CYYR1: variants seen among roughly 807,000 people sequenced by gnomAD.
CYYR1 encodes the protein cysteine and tyrosine rich 1.
In CYYR1, 14 loss-of-function variants were observed where a neutral mutation model predicts 15.2. The observed-to-expected ratio is 0.92, with a 90% confidence interval of 0.61 to 1.44. The LOEUF (loss-of-function observed/expected upper bound fraction) is 1.44, where lower values mean the gene tolerates loss of function less well. Ranked by LOEUF, CYYR1 falls within the 40% of genes most tolerant of loss-of-function variation. The pLI is 0.00. For synonymous variants in CYYR1, 80 were observed against 77.4 expected (o/e 1.03, Z -0.18); for missense variants, 228 against 209.5 (o/e 1.09, Z -0.54).
intron 2 of CYYR1, among the ~76,000 whole-genome samples, chr21:26,557,326 G>A (rs979961094): frequency 1.3e-5 from 2 of 152,126 alleles, no homozygotes; most frequent in Non-Finnish European, 2.9e-5. Flanking sequence ...GAACAGATAT[G>A]AGGTAATCTG....
intron 2 of CYYR1, among the ~76,000 whole-genome samples, chr21:26,533,996 A>C (rs568798915): frequency 6.6e-6 from 1 of 152,264 alleles, no homozygotes; most frequent in African/African-American, 2.4e-5. Flanking sequence ...ACAGAAACAG[A>C]GCACCAAGCA....
chr21:26,525,172 T>C (rs1569160198), intron 2 of CYYR1, among the ~76,000 whole-genome samples: 2 of 152,202 alleles, frequency 1.3e-5, no homozygotes, highest in Admixed American at 6.5e-5. Context: ...TTCCTCCTCC[T>C]CTTTCTTCTC....
intron 2 of CYYR1, among the ~76,000 whole-genome samples, chr21:26,489,113 A>G (rs1419405671): frequency 6.6e-6 from 1 of 152,204 alleles, no homozygotes; most frequent in East Asian, 1.9e-4. Flanking sequence ...AAAAAAGCAT[A>G]TCAGAACCAG....
At chr21:26,557,522 G>C (rs1435827826) in intron 2 of CYYR1, among the ~76,000 whole-genome samples, 2 of 152,162 alleles carry the variant, frequency 1.3e-5, no homozygotes, top group Non-Finnish European at 2.9e-5. Context: ...AGTGTATTCA[G>C]GTTGATTAGT....
At chr21:26,531,784 A>G (rs2065933379) in intron 2 of CYYR1, among the ~76,000 whole-genome samples, 1 of 152,140 alleles carries the variant, frequency 6.6e-6, no homozygotes, top group African/African-American at 2.4e-5. Flanking sequence ...GGGTATCCTT[A>G]GATCGATAAA....
At chr21:26,486,936 C>T (rs1391184048) in intron 2 of CYYR1, among the ~76,000 whole-genome samples, 6 of 151,962 alleles carry the variant, frequency 3.9e-5, no homozygotes, top group South Asian at 2.1e-4. Flanking sequence ...TTCTCGGATA[C>T]GACCCAATTT....
At chr21:26,515,979 G>A (rs1248083991) in intron 2 of CYYR1, among the ~76,000 whole-genome samples, 1 of 152,140 alleles carries the variant, frequency 6.6e-6, no homozygotes, top group Non-Finnish European at 1.5e-5. Context: ...TCTATAGAAT[G>A]AAGCAGTTGT....
At chr21:26,535,583 G>T (rs879448943) in intron 2 of CYYR1, among the ~76,000 whole-genome samples, 5 of 152,184 alleles carry the variant, frequency 3.3e-5, no homozygotes, top group Non-Finnish European at 7.3e-5. Context: ...TAATAGCTAT[G>T]GGGTTAAGTC....
intron 2 of CYYR1, chr21:26,551,855 T>G (rs1979410879): frequency 4.8e-6 from 1 of 208,090 alleles, no homozygotes; most frequent in African/African-American, 2.4e-5. Context: ...TTGACTCCAA[T>G]TTTGAAAGAA....
At position 26,476,643 on chromosome 21, in the gene CYYR1, C is replaced by T. The variant is rs572629563; in HGVS notation, c.334+3629G>A. Among the ~76,000 whole-genome samples, 138 of 143,032 alleles carry T rather than the reference C, an allele frequency of 9.6e-4. 2 individuals are homozygous for T. In the South Asian group the frequency reaches 0.029, roughly 30 times the overall value. The allele number at this position is 143,032 out of a possible 152,430, so 93.8% of individuals were successfully genotyped here. ...ATCTATCTATCTAATCTTCTATTAT[C>T]TATCTATCTATCTAAAAATCATTTC... On this transcript the variant is annotated intron_variant, in intron 3 of 3. Coordinates refer to ENST00000652641, the MANE Select transcript of CYYR1 (RefSeq NM_001320768.2).
At chr21:26,540,545 C>T (rs1396533962) in intron 2 of CYYR1, among the ~76,000 whole-genome samples, 3 of 151,970 alleles carry the variant, frequency 2.0e-5, no homozygotes, top group Non-Finnish European at 4.4e-5. Flanking sequence ...CTTAGGATGA[C>T]CTCTACACTA....
intron 2 of CYYR1, among the ~76,000 whole-genome samples, chr21:26,555,531 G>T (rs888907162): frequency 1.3e-5 from 2 of 152,078 alleles, no homozygotes; most frequent in African/African-American, 4.8e-5. Context: ...TGCCAGATTT[G>T]TGCAAAGGCA....
chr21:26,507,908 A>G (rs1390639254), intron 2 of CYYR1, among the ~76,000 whole-genome samples: 2 of 152,222 alleles, frequency 1.3e-5, no homozygotes, highest in Non-Finnish European at 2.9e-5. Flanking sequence ...CATTCAACAC[A>G]TATGAACACC....
chr21:26,554,783 A>T (rs1979650550), intron 2 of CYYR1, among the ~76,000 whole-genome samples: 1 of 151,902 alleles, frequency 6.6e-6, no homozygotes, highest in Non-Finnish European at 1.5e-5. Flanking sequence ...TATTATTATG[A>T]TTCTTTTTGA....
chr21:26,528,016 G>A (rs919962086), intron 2 of CYYR1, among the ~76,000 whole-genome samples: 14 of 152,194 alleles, frequency 9.2e-5, no homozygotes, highest in African/African-American at 3.4e-4. Flanking sequence ...CTTAAAACGA[G>A]TAAAAATCCA....
At chr21:26,563,408 C>A (rs976743842) in intron 2 of CYYR1, among the ~76,000 whole-genome samples, 1 of 151,982 alleles carries the variant, frequency 6.6e-6, no homozygotes, top group African/African-American at 2.4e-5. Context: ...CCACTCTCTA[C>A]TAAAAATACA....
chr21:26,488,872 C>T (rs559386028), intron 2 of CYYR1, among the ~76,000 whole-genome samples: 35 of 152,140 alleles, frequency 2.3e-4, no homozygotes, highest in South Asian at 6.2e-4. Flanking sequence ...TGTATCAACT[C>T]CCATTTCCTT....
At position 26,572,969 on chromosome 21, in the gene CYYR1, A is replaced by AAGGGAGAGCCCGGAACCGG. The variant is rs753953923; in HGVS notation, c.-48_-30dup. The AAGGGAGAGCCCGGAACCGG allele has an allele frequency of 9.0e-5, 145 of 1,613,474 alleles. No individual in the cohort carries two copies. In the African/African-American group the frequency reaches 1.7e-3, roughly 19 times the overall value. ...AGCCGGTGGCCTGAGGCTTGGAGCGAAGGGAGAGCCCGGAACCGGAGGGAA... is the reference window on the plus strand; with the variant it reads ...AGCCGGTGGCCTGAGGCTTGGAGCGAAGGGAGAGCCCGGAACCGGAGGGAGAGCCCGGAACCGGAGGGAA... On this transcript the variant is annotated 5_prime_UTR_variant, in exon 1 of 4. Coordinates refer to ENST00000652641, the MANE Select transcript of CYYR1 (RefSeq NM_001320768.2).
intron 2 of CYYR1, among the ~76,000 whole-genome samples, chr21:26,521,232 G>A (rs2065800564): frequency 6.6e-6 from 1 of 152,164 alleles, no homozygotes; most frequent in African/African-American, 2.4e-5. Context: ...AGAGAATAAA[G>A]TAGGGAGATG....
Sources: allele counts gnomAD v4.1 joint callset (sites outside exome capture counted in the v4.1 genomes callset), GRCh38; gene constraint gnomAD v4.1.1; transcripts MANE v1.5; gene names NCBI Gene and HGNC (gene_info 2026-07-23, HGNC 2026-07-21).